The following RANBP2 variants were observed in gnomAD, a reference collection of about 807,000 sequenced individuals.
The protein encoded by RANBP2 is RAN binding protein 2.
Under a neutral mutation model 303.6 loss-of-function variants are expected in RANBP2, and 57 were observed. That is an observed-to-expected ratio of 0.19 (90% CI 0.15 to 0.23). The LOEUF is 0.23. RANBP2 is among the 10% of genes least tolerant of loss of function. RANBP2 has a pLI of 1.00. For missense variants in RANBP2, 3,138 were observed against 3,780.8 expected (o/e 0.83, Z 4.46); for synonymous variants, 1,167 against 1,301.5 (o/e 0.90, Z 2.23).
At position 108,764,526 on chromosome 2, in the gene RANBP2, TG is replaced by T. The variant is rs751580011; in HGVS notation, c.3988del (p.Asp1330IlefsTer13). ...GAATTGTAAAAGAACCCACAAGTCA[TG>T]ATAACAAGGATATTTGCAAATCTGA... ...VRIVKEPTSH[D>X]NKDICKSDAG... On this transcript the variant is annotated frameshift_variant, in exon 20 of 29. Transcript: ENST00000283195. LOFTEE classifies it high-confidence loss of function. 1 of 1,613,882 alleles carries T rather than the reference TG, an allele frequency of 6.2e-7. No individual in the cohort carries two copies. The highest frequency in any genetic ancestry group is 8.5e-7 in the Non-Finnish European group (1 of 1,179,938).
the RANBP2 span, among the ~76,000 whole-genome samples, chr2:109,120,285 T>G: frequency 2.0e-5 from 3 of 152,184 alleles, no homozygotes; most frequent in African/African-American, 7.2e-5. Flanking sequence ...CTGGATTCAC[T>G]CTGTTTAACA....
the RANBP2 span, among the ~76,000 whole-genome samples, chr2:108,861,854 A>T: frequency 6.6e-6 from 1 of 151,682 alleles, no homozygotes; most frequent in African/African-American, 2.4e-5. Flanking sequence ...TCTTCTTAGC[A>T]CTGTTTTTAC....
the RANBP2 span, among the ~76,000 whole-genome samples, chr2:109,602,839 G>A: frequency 6.8e-6 from 1 of 147,896 alleles, no homozygotes; most frequent in African/African-American, 2.5e-5. Flanking sequence ...AAAGGGGAAG[G>A]AAGAGAAATA....
chr2:109,511,611 G>T, the RANBP2 span, among the ~76,000 whole-genome samples: 1 of 152,212 alleles, frequency 6.6e-6, no homozygotes, highest in South Asian at 2.1e-4. Flanking sequence ...CCTGCAGGGA[G>T]GAATAGGGAG....
At chr2:108,812,965 C>G in the RANBP2 span, 1 of 1,591,412 alleles carries the variant, frequency 6.3e-7, no homozygotes, top group South Asian at 1.1e-5. Flanking sequence ...TTGAAAATTT[C>G]TCGGCTGGGT....
chr2:109,203,824 G>A, the RANBP2 span, among the ~76,000 whole-genome samples: 1 of 40,224 alleles, frequency 2.5e-5, no homozygotes, highest in African/African-American at 1.6e-4. Context: ...ACTCTGAAGC[G>A]TTTGCTCTCT....
chr2:108,781,885 C>T (rs1486655342), intron 26 of RANBP2, among the ~76,000 whole-genome samples: 1 of 152,102 alleles, frequency 6.6e-6, no homozygotes, highest in African/African-American at 2.4e-5. Context: ...TAAAGAAAAG[C>T]ATTTAATTTC....
At chr2:109,153,358 A>T in the RANBP2 span, among the ~76,000 whole-genome samples, 1 of 152,318 alleles carries the variant, frequency 6.6e-6, no homozygotes. Flanking sequence ...TTAGTGATTT[A>T]AAAAAATTTG....
chr2:108,764,134 G>A lies in RANBP2; in HGVS notation c.3595G>A (p.Ala1199Thr), dbSNP rs978251652. ...EDEEEFFCNRAKLFRFDVESK... is the reference protein window; with the variant it reads ...EDEEEFFCNRTKLFRFDVESK... ...TGAAGAAGAATTCTTTTGCAACCGCGCGAAATTGTTTCGTTTCGATGTAGA... is the reference window on the plus strand; with the variant it reads ...TGAAGAAGAATTCTTTTGCAACCGCACGAAATTGTTTCGTTTCGATGTAGA... The change falls in exon 20 of 29, where the codon GCG becomes ACG. Residue 1199 changes from alanine (A) to threonine (T), a missense_variant. Coordinates refer to ENST00000283195, the MANE Select transcript of RANBP2 (RefSeq NM_006267.5). The A allele has an allele frequency of 4.3e-6, 7 of 1,614,022 alleles. No homozygotes were observed. The highest frequency in any genetic ancestry group is 1.7e-5 in the Admixed American group (1 of 60,008).
the RANBP2 span, among the ~76,000 whole-genome samples, chr2:109,591,775 A>C: frequency 1.3e-5 from 2 of 151,982 alleles, no homozygotes; most frequent in Non-Finnish European, 2.9e-5. Flanking sequence ...GCACATGCCT[A>C]TAATCATAGC....
At position 108,766,281 on chromosome 2, in the gene RANBP2, G is replaced by C. The variant is rs374617578; in HGVS notation, c.5742G>C (p.Lys1914Asn). The part of the protein sequence containing the change: ...EPGNQEKKSE[K>N]PLENGTGFQA... ...GAAATCAAGAAAAGAAAAGTGAAAA[G>C]CCTCTTGAAAATGGTACTGGCTTCC... The change falls in exon 20 of 29, where the codon AAG becomes AAC. Residue 1914 changes from lysine (K) to asparagine (N), a missense_variant. Transcript: ENST00000283195. The C allele has an allele frequency of 7.4e-6, 12 of 1,612,030 alleles. No homozygotes were observed. The highest frequency in any genetic ancestry group is 1.0e-5 in the Non-Finnish European group (12 of 1,179,992).
At chr2:109,690,311 C>A in the RANBP2 span, among the ~76,000 whole-genome samples, 1 of 152,116 alleles carries the variant, frequency 6.6e-6, no homozygotes, top group Non-Finnish European at 1.5e-5. Context: ...GAAGCAAAGG[C>A]GGGACAACTC....
chr2:108,786,527 C>T (rs1388570363), downstream of RANBP2, among the ~76,000 whole-genome samples: 1 of 152,192 alleles, frequency 6.6e-6, no homozygotes, highest in Non-Finnish European at 1.5e-5. Context: ...GCGCTGCAGG[C>T]AGGTGCGGGG....
the RANBP2 span, among the ~76,000 whole-genome samples, chr2:109,599,051 C>G: frequency 6.6e-6 from 1 of 152,074 alleles, no homozygotes; most frequent in African/African-American, 2.4e-5. Context: ...AATAAAGTTA[C>G]AGGTTAACAG....
At chr2:109,706,739 A>G in the RANBP2 span, among the ~76,000 whole-genome samples, 1 of 152,232 alleles carries the variant, frequency 6.6e-6, no homozygotes, top group Non-Finnish European at 1.5e-5. Context: ...TATTTGTCTG[A>G]TAAGCGAATG....
the RANBP2 span, among the ~76,000 whole-genome samples, chr2:109,360,193 ACTGTGCCGCTTAGTTACT>A: frequency 2.0e-5 from 3 of 152,222 alleles, no homozygotes; most frequent in South Asian, 6.2e-4. Context: ...TGGAGAGGCT[ACTGTGCCGCTTAGTTACT>A]CTGAACATGT....
chr2:108,929,315 G>A, the RANBP2 span: 4 of 1,614,144 alleles, frequency 2.5e-6, no homozygotes, highest in Non-Finnish European at 3.4e-6. Context: ...GCCTCCTTTG[G>A]AAAACTTCTC....
At chr2:109,668,408 A>G in the RANBP2 span, among the ~76,000 whole-genome samples, 1 of 152,226 alleles carries the variant, frequency 6.6e-6, no homozygotes, top group Non-Finnish European at 1.5e-5. Context: ...ATCACCTCAA[A>G]GCATATATAC....
At chr2:109,400,310 T>A in the RANBP2 span, among the ~76,000 whole-genome samples, 1 of 151,868 alleles carries the variant, frequency 6.6e-6, no homozygotes, top group Admixed American at 6.6e-5. Context: ...CTCATACACA[T>A]GGCACACACA....
Sources: gnomAD v4.1 joint callset for allele counts (sites outside exome capture counted in the v4.1 genomes callset) on GRCh38, gnomAD v4.1.1 for gene constraint, MANE v1.5 for transcripts, NCBI Gene and HGNC (gene_info 2026-07-23, HGNC 2026-07-21) for gene names.